The following MYCBP2 variants were observed in gnomAD, a reference collection of about 807,000 sequenced individuals.
The protein encoded by MYCBP2 is E3 ubiquitin-protein ligase MYCBP2.
Under a neutral mutation model 525.3 loss-of-function variants are expected in MYCBP2, and 120 were observed. The observed-to-expected ratio is 0.23, with a 90% CI of 0.20 to 0.27. The LOEUF is 0.27. MYCBP2 is among the 10% of genes least tolerant of loss of function. The pLI, the probability that MYCBP2 is intolerant of heterozygous loss-of-function variation, is 1.00. For missense variants in MYCBP2, 4,149 were observed against 5,657.1 expected (o/e 0.73, Z 8.55); for synonymous variants, 1,894 against 1,955.8 (o/e 0.97, Z 0.83).
intron 29 of MYCBP2, among the ~76,000 whole-genome samples, chr13:77,189,424 C>G (rs2061080004): frequency 1.3e-5 from 2 of 152,066 alleles, no homozygotes; most frequent in South Asian, 4.1e-4. Flanking sequence ...GTTTGTAGAG[C>G]TACATATTAC....
chr13:77,174,945 T>TA (rs2059542107), intron 36 of MYCBP2, among the ~76,000 whole-genome samples: 6 of 8,102 alleles, frequency 7.4e-4, no homozygotes, highest in Non-Finnish European at 2.5e-3. Flanking sequence ...TATATATATT[T>TA]TATATATTAT....
intron 33 of MYCBP2, among the ~76,000 whole-genome samples, chr13:77,181,473 C>T (rs1282994269): frequency 6.6e-6 from 1 of 151,558 alleles, no homozygotes. Flanking sequence ...GTGATTAAAC[C>T]GTTAGAGCAA....
chr13:77,094,359 T>C (rs1487636803), intron 58 of MYCBP2, among the ~76,000 whole-genome samples: 1 of 152,176 alleles, frequency 6.6e-6, no homozygotes, highest in Non-Finnish European at 1.5e-5. Context: ...AACAGAATAC[T>C]AACAGGTTTC....
intron 4 of MYCBP2, 66 bp from the exon 5 acceptor site, chr13:77,273,734 T>G: frequency 8.3e-7 from 1 of 1,206,984 alleles, no homozygotes. Context: ...GTATATTTAT[T>G]TATTTTTACT....
intron 26 of MYCBP2, among the ~76,000 whole-genome samples, chr13:77,200,416 T>C (rs1420634771): frequency 5.3e-5 from 8 of 151,926 alleles, no homozygotes; most frequent in South Asian, 2.1e-4. Flanking sequence ...CTACGTCTGA[T>C]TGGTGTACCT....
At chr13:77,161,759 G>T (rs1595022264) in intron 44 of MYCBP2, 147 bp downstream of exon 44, 1 of 576,372 alleles carries the variant, frequency 1.7e-6, no homozygotes. Context: ...AGGGAGCAAT[G>T]ATAAGTTATT....
At position 77,048,616 on chromosome 13, in the gene MYCBP2, C is replaced by A. The variant is rs1594000181; in HGVS notation, c.13921+2381G>T. 2.6e-5 allele frequency among the ~76,000 whole-genome samples: 4 copies of A among 152,192 alleles called. No homozygotes were observed. The South Asian group carries it at 8.3e-4, about 32-fold the overall frequency. On this transcript the variant is annotated intron_variant, in intron 82 of 82. Transcript: ENST00000544440. ...CTCAATCTCAGTGTATGTTCTTAGG[C>A]CAGTTCATTAACCTCCCTAGCCCTC...
At chr13:77,242,966 C>G (rs1014052740) in intron 17 of MYCBP2, 93 bp downstream of exon 17, 10 of 1,013,978 alleles carry the variant, frequency 9.9e-6, no homozygotes, top group Admixed American at 6.3e-5. Context: ...TGATTTCTTA[C>G]CAAATTAGTT....
intron 20 of MYCBP2, among the ~76,000 whole-genome samples, chr13:77,223,850 G>A (rs1225021344): frequency 6.6e-6 from 1 of 152,170 alleles, no homozygotes; most frequent in Non-Finnish European, 1.5e-5. Context: ...ACATCCTGCT[G>A]CAATGGAAGC....
chr13:77,239,382 A>G (rs1013590176), intron 17 of MYCBP2, among the ~76,000 whole-genome samples: 2 of 152,186 alleles, frequency 1.3e-5, no homozygotes, highest in African/African-American at 2.4e-5. Flanking sequence ...CTAACATTTT[A>G]TTTGATGTTT....
chr13:77,164,591 A>C, intron 42 of MYCBP2, 50 bp from the exon 43 acceptor site: 5 of 1,049,712 alleles, frequency 4.8e-6, no homozygotes, highest in Non-Finnish European at 7.5e-6. Flanking sequence ...GAATGATAAT[A>C]CGGATTATCA....
chr13:77,165,289 C>A lies in MYCBP2; in HGVS notation c.6443G>T (p.Ser2148Ile). Residue 2148 changes from serine (S) to isoleucine (I), a missense_variant, in exon 42 of 83, where the codon AGC becomes ATC. By Grantham distance (142) the Ser-to-Ile change is moderately radical. Around this residue, in one of 21 missense-constraint regions of MYCBP2, gnomAD observed 692 missense variants for 852.7 expected, o/e 0.81. Transcript: ENST00000544440. Reference sequence around the variant, plus strand: ...CATTCTTACCTCATCAGGTCCAGGGCTAAATTCATATCCAATTGCAAAACA... The same window carrying A: ...CATTCTTACCTCATCAGGTCCAGGGATAAATTCATATCCAATTGCAAAACA... ...FKCFAIGYEF[S>I]PGPDEGVIQL... is the part of the protein sequence containing the mutation. 1 of 1,608,932 alleles carries A rather than the reference C, an allele frequency of 6.2e-7. No homozygotes were observed. The highest frequency in any genetic ancestry group is 1.1e-5 in the South Asian group (1 of 89,974).
At chr13:77,267,790 G>A in intron 8 of MYCBP2, 51 bp downstream of exon 8, 1 of 1,331,092 alleles carries the variant, frequency 7.5e-7, no homozygotes, top group Non-Finnish European at 1.1e-6. Flanking sequence ...AGCTTAACAT[G>A]CACATTTCTT....
intron 1 of MYCBP2, among the ~76,000 whole-genome samples, chr13:77,299,845 A>G (rs1225831244): frequency 6.6e-6 from 1 of 152,222 alleles, no homozygotes; most frequent in Non-Finnish European, 1.5e-5. Flanking sequence ...CAATAAAAGG[A>G]AAAGGCTATT....
chr13:77,213,190 A>G (rs1271211003), intron 21 of MYCBP2, among the ~76,000 whole-genome samples: 1 of 152,154 alleles, frequency 6.6e-6, no homozygotes, highest in African/African-American at 2.4e-5. Context: ...AAATGTAAAC[A>G]GGGGCCAGGT....
intron 1 of MYCBP2, among the ~76,000 whole-genome samples, chr13:77,313,283 T>C (rs2080498461): frequency 6.6e-6 from 1 of 151,920 alleles, no homozygotes; most frequent in South Asian, 2.1e-4. Flanking sequence ...TGGCCTAGGA[T>C]TCCACCTTAA....
rs56952443 is a variant in MYCBP2, at chr13:77,056,099, GGTGTGTGTGTGTGT to G, written c.13438-346_13438-333del. ...CACAAATAAGACACGCTCTGTGTTT[GGTGTGTGTGTGTGT>G]GTGTGTGTGTGTGTGTGTGTGTGTG... is the stretch of plus-strand genomic sequence containing the variant. On this transcript the variant is annotated intron_variant, in intron 79 of 82. Coordinates refer to ENST00000544440, the MANE Select transcript of MYCBP2 (RefSeq NM_015057.5). Among the ~76,000 whole-genome samples, 363 of 120,590 alleles carry G rather than the reference GGTGTGTGTGTGTGT, an allele frequency of 3.0e-3. 1 individual carries two copies. Among genetic ancestry groups the G allele is most frequent in the South Asian group, 0.019 (58 of 3,116 alleles). 79.1% of individuals were successfully genotyped at this position (120,590 alleles called of 152,430 possible).
chr13:77,327,082 G>A lies in MYCBP2; in HGVS notation c.-307C>T. 6.9e-6 allele frequency: 3 copies of A among 435,940 alleles called. No homozygotes were observed. The highest frequency in any genetic ancestry group is 7.0e-5 in the South Asian group (1 of 14,204). The allele number at this position is 435,940 out of a possible 1,614,324, so 27.0% of individuals were successfully genotyped here. On this transcript the variant is annotated 5_prime_UTR_variant, in exon 1 of 83. Transcript: ENST00000544440. ...ACCGCCACCACCGCCGGGGCTACCC[G>A]CAATGGGAAGCTGCCGGCCTCACAG...
At chr13:77,200,334 T>C (rs1289955422) in intron 26 of MYCBP2, among the ~76,000 whole-genome samples, 3 of 151,460 alleles carry the variant, frequency 2.0e-5, no homozygotes, top group Non-Finnish European at 4.4e-5. Context: ...AGAAGGGAAG[T>C]TTAGAGAAAA....
Sources: allele counts gnomAD v4.1 joint callset (sites outside exome capture counted in the v4.1 genomes callset), GRCh38; gene constraint gnomAD v4.1.1; regional missense constraint gnomAD v4.1.1; transcripts MANE v1.5; gene names NCBI Gene and HGNC (gene_info 2026-07-23, HGNC 2026-07-21).